Variants in C6 observed in about 807,000 individuals in gnomAD.
The protein encoded by C6 is complement C6.
Under a neutral mutation model 112.9 loss-of-function variants are expected in C6, and 101 were observed. The ratio of observed to expected loss-of-function variants is 0.89; its 90% CI spans 0.76 to 1.06. The LOEUF is 1.06. Ranked by LOEUF, C6 falls within the 50% of genes least tolerant of loss-of-function variation. The pLI, the probability that C6 is intolerant of heterozygous loss-of-function variation, is 0.00. For synonymous variants in C6, 431 were observed against 384.1 expected (o/e 1.12, Z -1.43); for missense variants, 1,202 against 1,104.6 (o/e 1.09, Z -1.25).
intron 1 of C6, among the ~76,000 whole-genome samples, chr5:41,243,462 C>T (rs1740849852): frequency 1.3e-5 from 2 of 152,114 alleles, no homozygotes; most frequent in South Asian, 4.1e-4. Context: ...TTGTGTAGTG[C>T]TTCATAATAA....
At chr5:41,220,733 AT>A (rs1201173731) in intron 1 of C6, among the ~76,000 whole-genome samples, 1 of 151,990 alleles carries the variant, frequency 6.6e-6, no homozygotes, top group Non-Finnish European at 1.5e-5. Context: ...TTCAACTTTT[AT>A]TTTAGATACA....
intron 1 of C6, among the ~76,000 whole-genome samples, chr5:41,220,035 C>T (rs1415428070): frequency 2.6e-5 from 4 of 152,096 alleles, no homozygotes; most frequent in Non-Finnish European, 4.4e-5. Context: ...TTAAAATAAT[C>T]AAACTCTGAT....
chr5:41,165,228 G>A (rs75708018), intron 9 of C6, among the ~76,000 whole-genome samples: 6,940 of 152,168 alleles, frequency 0.046, 167 homozygotes, highest in Middle Eastern at 0.071. Flanking sequence ...TCCAATAAAT[G>A]AACAATGTGG....
At chr5:41,251,737 A>G (rs1741375636) in intron 1 of C6, among the ~76,000 whole-genome samples, 2 of 152,240 alleles carry the variant, frequency 1.3e-5, no homozygotes, top group African/African-American at 4.8e-5. Flanking sequence ...TGAAGCTGCA[A>G]TGTAGGACAG....
intron 1 of C6, among the ~76,000 whole-genome samples, chr5:41,231,360 G>T (rs1257040986): frequency 6.6e-6 from 1 of 151,748 alleles, no homozygotes; most frequent in Non-Finnish European, 1.5e-5. Context: ...ATACTATATG[G>T]CTTTGCTTTA....
chr5:41,188,868 C>T (rs1190956471), intron 5 of C6, among the ~76,000 whole-genome samples: 1 of 151,872 alleles, frequency 6.6e-6, no homozygotes, highest in Non-Finnish European at 1.5e-5. Flanking sequence ...TTCCAAGTCA[C>T]ATATCTAATG....
Position 41,242,868 on chromosome 5 carries a change from T to A in C6, c.-21+18326A>T, listed in dbSNP as rs1297025602. On this transcript the variant is annotated intron_variant, in intron 1 of 17. Transcript: ENST00000263413. Reference sequence around the variant, plus strand: ...ACATAAATGGAATTGAAAAACATTATGCTAAATGAAATAAGCCAAGTACAG... The same window carrying A: ...ACATAAATGGAATTGAAAAACATTAAGCTAAATGAAATAAGCCAAGTACAG... 1.3e-5 allele frequency among the ~76,000 whole-genome samples: 2 copies of A among 148,438 alleles called. 1 individual carries two copies. The highest frequency in any genetic ancestry group is 4.0e-4 in the East Asian group (2 of 5,040).
In C6 at chr5:41,142,581, TAC is replaced by T; in HGVS notation, c.*242_*243del. On this transcript the variant is annotated 3_prime_UTR_variant, in exon 18 of 18. Coordinates refer to ENST00000337836, the MANE Select transcript of C6 (RefSeq NM_000065.5). ...TTTGTACAATGTGAACAGGAGAATT[TAC>T]GAGACTGCTGTGGAAGTTGGTACCT... is the stretch of plus-strand genomic sequence containing the variant. 1.8e-6 allele frequency: 1 copy of T among 545,982 alleles called. No homozygotes were observed. The allele number at this position is 545,982 out of a possible 1,614,324, so 33.8% of individuals were successfully genotyped here. A position where few individuals can be genotyped will look rare whatever the true frequency, so the allele number is the denominator to read the frequency against.
chr5:41,160,243 T>G lies in C6; in HGVS notation c.1583A>C (p.Asn528Thr), dbSNP rs1747350277. Residue 528 changes from asparagine (N) to threonine (T), a missense_variant, in exon 11 of 18, where the codon AAT becomes ACT. By Grantham distance (65) the Asn-to-Thr change is moderately conservative (BLOSUM62 0). Coordinates refer to ENST00000337836, the MANE Select transcript of C6 (RefSeq NM_000065.5). The stretch of plus-strand genomic sequence containing the variant: ...CCCTGAGAGGGTGGGTCGGCCATTA[T>G]TAGGGCATGGAGCACACTGGCAAGG... ...FDPCQCAPCP[N>T]NGRPTLSGTE... 6.2e-7 allele frequency: 1 copy of G among 1,613,794 alleles called. No individual in the cohort carries two copies. Among genetic ancestry groups the G allele is most frequent in the Non-Finnish European group, 8.5e-7 (1 of 1,179,872 alleles).
At chr5:41,172,118 G>T in intron 9 of C6, 107 bp downstream of exon 9, 1 of 1,150,222 alleles carries the variant, frequency 8.7e-7, no homozygotes, top group South Asian at 1.2e-5. Context: ...GAAGAGAAAT[G>T]AAATAAATGA....
chr5:41,248,434 G>T (rs574767934), intron 1 of C6, among the ~76,000 whole-genome samples: 52 of 152,302 alleles, frequency 3.4e-4, no homozygotes, highest in African/African-American at 1.1e-3. Context: ...TCTGACAAAG[G>T]TGTAATATCC....
intron 7 of C6, among the ~76,000 whole-genome samples, chr5:41,178,318 T>C (rs1377589832): frequency 6.6e-6 from 1 of 152,154 alleles, no homozygotes; most frequent in East Asian, 1.9e-4. Context: ...CCAACAAATG[T>C]CTAGTTTGAT....
intron 9 of C6, among the ~76,000 whole-genome samples, chr5:41,170,857 T>A (rs1344533864): frequency 1.3e-5 from 2 of 152,122 alleles, no homozygotes; most frequent in Non-Finnish European, 2.9e-5. Context: ...AGGAAGGAGT[T>A]ATTTATAATG....
Position 41,161,823 on chromosome 5 carries a change from A to G in C6, c.1328T>C (p.Leu443Pro). The change falls in exon 10 of 18, where the codon CTG (leucine) becomes CCG (proline). Residue 443 changes from leucine to proline, a missense_variant. Leu to Pro is a moderately conservative substitution (Grantham distance 98). Coordinates refer to ENST00000337836, the MANE Select transcript of C6 (RefSeq NM_000065.5). ...FIQGAEKSIS[L>P]IRGGRSEYGA... ...ATATTCACTCCTTCCACCTCGAATC[A>G]GGGATATGGATTTCTCTGCTCCCTG... 2 of 1,613,666 alleles carry G rather than the reference A, an allele frequency of 1.2e-6. No homozygotes were observed. Among genetic ancestry groups the G allele is most frequent in the East Asian group, 2.2e-5 (1 of 44,840 alleles).
chr5:41,253,674 T>C (rs148061312), intron 1 of C6, among the ~76,000 whole-genome samples: 1 of 152,300 alleles, frequency 6.6e-6, no homozygotes, highest in African/African-American at 2.4e-5. Flanking sequence ...TAGGTTATTT[T>C]GGATTGTCCT....
At chr5:41,173,017 C>T (rs1391933679) in intron 8 of C6, among the ~76,000 whole-genome samples, 1 of 152,114 alleles carries the variant, frequency 6.6e-6, no homozygotes, top group East Asian at 1.9e-4. Context: ...TTTCAGACTC[C>T]TCCTTGGCTA....
chr5:41,227,318 G>T (rs1052101462), intron 1 of C6, among the ~76,000 whole-genome samples: 1 of 151,390 alleles, frequency 6.6e-6, no homozygotes, highest in Non-Finnish European at 1.5e-5. Flanking sequence ...TCTAGCTATT[G>T]GATTGTTTGA....
intron 1 of C6, among the ~76,000 whole-genome samples, chr5:41,219,951 C>T (rs1464276644): frequency 6.6e-6 from 1 of 152,114 alleles, no homozygotes; most frequent in Admixed American, 6.6e-5. Flanking sequence ...TACATATTAT[C>T]AGGAGTGTGG....
At chr5:41,145,593 G>A (rs1449959014) in intron 17 of C6, among the ~76,000 whole-genome samples, 4 of 152,178 alleles carry the variant, frequency 2.6e-5, no homozygotes, top group Non-Finnish European at 5.9e-5. Flanking sequence ...TCAACTGATG[G>A]GGAAAAATAG....
Sources: gnomAD v4.1 joint callset for allele counts (sites outside exome capture counted in the v4.1 genomes callset) on GRCh38, gnomAD v4.1.1 for gene constraint, MANE v1.5 for transcripts, NCBI Gene and HGNC (gene_info 2026-07-23, HGNC 2026-07-21) for gene names.